The following DACH2 variants were observed in gnomAD, a reference collection of about 807,000 sequenced individuals.
DACH2 encodes the protein dachshund family transcription factor 2, also known as dachshund homolog 2.
In DACH2, 17 loss-of-function variants were observed where a neutral mutation model predicts 35.8. The observed-to-expected ratio is 0.48, with a 90% CI of 0.33 to 0.71. The LOEUF (loss-of-function observed/expected upper bound fraction) is 0.71, where lower values mean the gene tolerates loss of function less well. DACH2 is among the 30% of genes least tolerant of loss of function. The pLI is 0.02. For synonymous variants in DACH2, 195 were observed against 177.3 expected (o/e 1.10, Z -0.79); for missense variants, 469 against 472.7 (o/e 0.99, Z 0.07).
intron 1 of DACH2, among the ~76,000 whole-genome samples, chrX:86,311,922 C>G (rs1474549469): frequency 9.0e-6 from 1 of 111,244 alleles, no homozygotes; most frequent in Non-Finnish European, 1.9e-5. Context: ...TTAGTATTAC[C>G]ATGCCCTGTG....
At chrX:86,828,757 G>T (rs7062863) in intron 11 of DACH2, 35,838 of 109,342 alleles carry the variant, frequency 0.33, 4,763 homozygotes, top group Middle Eastern at 0.42. Context: ...GAGGAGATCT[G>T]ACCATTGGCT....
At chrX:86,217,046 G>A (rs943105468) in intron 1 of DACH2, among the ~76,000 whole-genome samples, 13 of 107,371 alleles carry the variant, frequency 1.2e-4, no homozygotes, top group Admixed American at 1.0e-4. Context: ...AGCTGAGATA[G>A]TGCCACTGCC....
chrX:86,306,695 A>G (rs1870539852), intron 1 of DACH2, among the ~76,000 whole-genome samples: 1 of 111,797 alleles, frequency 8.9e-6, no homozygotes. Flanking sequence ...TCAATTTTGC[A>G]ACTTGGACTG....
At chrX:86,423,152 A>G (rs940066273) in intron 2 of DACH2, among the ~76,000 whole-genome samples, 1 of 111,482 alleles carries the variant, frequency 9.0e-6, no homozygotes, top group Admixed American at 9.5e-5. Context: ...TATCTCTTCA[A>G]TATACTGATT....
chrX:86,306,682 T>C (rs775616244), intron 1 of DACH2, among the ~76,000 whole-genome samples: 1 of 111,964 alleles, frequency 8.9e-6, no homozygotes, highest in South Asian at 3.8e-4. Context: ...GACTCCAAGT[T>C]CTTCAATTTT....
At chrX:86,460,230 T>C (rs905276295) in intron 2 of DACH2, among the ~76,000 whole-genome samples, 4 of 111,014 alleles carry the variant, frequency 3.6e-5, no homozygotes, top group Non-Finnish European at 7.6e-5. Flanking sequence ...ATGTGGCCTC[T>C]GAAATAGAAA....
intron 3 of DACH2, among the ~76,000 whole-genome samples, chrX:86,631,342 G>A (rs1334450748): frequency 3.6e-5 from 4 of 111,985 alleles, no homozygotes; most frequent in East Asian, 5.7e-4. Flanking sequence ...CAGTTGATTT[G>A]TAGAGAATTT....
At chrX:86,474,888 C>G (rs899077815) in intron 2 of DACH2, among the ~76,000 whole-genome samples, 4 of 111,485 alleles carry the variant, frequency 3.6e-5, no homozygotes, top group Non-Finnish European at 7.5e-5. Flanking sequence ...TGCCCACCAC[C>G]ATGCCCAGCT....
At chrX:86,634,976 C>A (rs1489927393) in intron 3 of DACH2, among the ~76,000 whole-genome samples, 2 of 110,976 alleles carry the variant, frequency 1.8e-5, no homozygotes, top group East Asian at 2.8e-4. Context: ...AATATTCCCC[C>A]AAAAAATTGA....
chrX:86,521,696 A>T (rs954349145), intron 3 of DACH2, among the ~76,000 whole-genome samples: 5 of 111,974 alleles, frequency 4.5e-5, no homozygotes, highest in African/African-American at 1.6e-4. Flanking sequence ...CAGACAGTTA[A>T]AAAAGTAATC....
At chrX:86,295,681 T>A (rs2034436707) in intron 1 of DACH2, among the ~76,000 whole-genome samples, 1 of 111,228 alleles carries the variant, frequency 9.0e-6, no homozygotes, top group Admixed American at 9.6e-5. Context: ...GGTCGGGTTT[T>A]GCTTTTTGTT....
At chrX:86,773,853 T>C (rs1301947366) in intron 7 of DACH2, among the ~76,000 whole-genome samples, 1 of 112,146 alleles carries the variant, frequency 8.9e-6, no homozygotes, top group Non-Finnish European at 1.9e-5. Context: ...CCCATTTAAC[T>C]TTGTGATTCA....
intron 7 of DACH2, among the ~76,000 whole-genome samples, chrX:86,743,488 T>G (rs913737407): frequency 9.0e-6 from 1 of 111,474 alleles, no homozygotes; most frequent in African/African-American, 3.3e-5. Flanking sequence ...ATTTATCAGA[T>G]CATCAGTTTA....
At chrX:86,709,012 T>A (rs2041249717) in intron 5 of DACH2, among the ~76,000 whole-genome samples, 1 of 111,426 alleles carries the variant, frequency 9.0e-6, no homozygotes, top group Non-Finnish European at 1.9e-5. Context: ...ATATTCCCCA[T>A]CAAAATCCAA....
At chrX:86,620,567 A>G (rs1244975075) in intron 3 of DACH2, among the ~76,000 whole-genome samples, 1 of 111,474 alleles carries the variant, frequency 9.0e-6, no homozygotes, top group African/African-American at 3.3e-5. Context: ...AACATATTGT[A>G]AATCCTCTGA....
chrX:86,330,932 C>G (rs899739187), intron 1 of DACH2, among the ~76,000 whole-genome samples: 1 of 111,757 alleles, frequency 8.9e-6, no homozygotes, highest in Non-Finnish European at 1.9e-5. Context: ...AACATGATTT[C>G]AAATATACAG....
At chrX:86,405,708 G>C (rs746104012) in intron 2 of DACH2, among the ~76,000 whole-genome samples, 1 of 111,242 alleles carries the variant, frequency 9.0e-6, no homozygotes, top group East Asian at 2.8e-4. Context: ...ACATTTTTGG[G>C]TATCTTTACA....
At chrX:86,620,401 A>AT (rs2040055450) in intron 3 of DACH2, among the ~76,000 whole-genome samples, 1 of 110,970 alleles carries the variant, frequency 9.0e-6, no homozygotes, top group African/African-American at 3.3e-5. Flanking sequence ...CATGGGGAAT[A>AT]TTTTTTCCTT....
At chrX:86,196,958 A>G (rs190536067) in intron 1 of DACH2, among the ~76,000 whole-genome samples, 2 of 110,566 alleles carry the variant, frequency 1.8e-5, no homozygotes, top group South Asian at 3.9e-4. Flanking sequence ...ACACATAATC[A>G]TCAGATTCTC....
Sources: allele counts gnomAD v4.1 joint callset (sites outside exome capture counted in the v4.1 genomes callset), GRCh38; gene constraint gnomAD v4.1.1; transcripts MANE v1.5; gene names NCBI Gene and HGNC (gene_info 2026-07-23, HGNC 2026-07-21).